ZNF407: variants seen among roughly 807,000 people sequenced by gnomAD.
ZNF407 encodes zinc finger protein 407.
A neutral mutation model predicts 131.2 loss-of-function variants in ZNF407; 17 were observed. The observed-to-expected ratio is 0.13, with a 90% CI of 0.09 to 0.19. The LOEUF is 0.19. Among genes scored for constraint, ZNF407 ranks in the 10% least tolerant of loss-of-function variants. The pLI is 1.00. For missense variants in ZNF407, 2,681 were observed against 2,830.6 expected (o/e 0.95, Z 1.20); for synonymous variants, 1,156 against 1,062.0 (o/e 1.09, Z -1.72).
At chr18:75,023,670 C>T (rs576181901) in intron 8 of ZNF407, among the ~76,000 whole-genome samples, 4 of 152,222 alleles carry the variant, frequency 2.6e-5, no homozygotes, top group African/African-American at 7.2e-5. Context: ...TAATTATAGT[C>T]GGCTTTCTCT....
intron 7 of ZNF407, among the ~76,000 whole-genome samples, chr18:74,916,481 AGTGT>A (rs752881660): frequency 1.8e-4 from 14 of 78,772 alleles, no homozygotes; most frequent in East Asian, 1.1e-3. Flanking sequence ...TCGAATTGGG[AGTGT>A]GTGTGTGTGT....
At chr18:74,766,597 A>C (rs12607948) in intron 3 of ZNF407, among the ~76,000 whole-genome samples, 98,354 of 152,114 alleles carry the variant, frequency 0.65, 34,109 homozygotes, top group East Asian at 0.95. Flanking sequence ...CCAAGTTGTC[A>C]TGTTACTGAG....
At chr18:74,700,001 G>A (rs974719621) in intron 3 of ZNF407, among the ~76,000 whole-genome samples, 4 of 152,010 alleles carry the variant, frequency 2.6e-5, no homozygotes, top group African/African-American at 9.7e-5. Flanking sequence ...AATAAGATTA[G>A]TGCTGTGTTC....
intron 4 of ZNF407, among the ~76,000 whole-genome samples, chr18:74,829,656 C>T (rs909248757): frequency 2.1e-4 from 32 of 152,006 alleles, no homozygotes; most frequent in Non-Finnish European, 4.4e-4. Context: ...GGCTTGCTAC[C>T]AAGAGTAGAG....
chr18:74,919,917 C>T lies in ZNF407; in HGVS notation c.5250-597C>T, dbSNP rs1971823503. ...CACCGTGGCGTGGAATATATGGGCC[C>T]TCCGTTGCATTTTCCATGCCATCAC... is the stretch of plus-strand genomic sequence containing the variant. On this transcript the variant is annotated intron_variant, in intron 7 of 8. Coordinates refer to ENST00000299687, the MANE Select transcript of ZNF407 (RefSeq NM_017757.3). Among the ~76,000 whole-genome samples, 3 of 152,184 alleles carry T rather than the reference C, an allele frequency of 2.0e-5. No homozygotes were observed. The South Asian group carries it at 6.2e-4, about 32-fold the overall frequency.
chr18:74,761,272 G>A (rs1969089656), intron 3 of ZNF407, among the ~76,000 whole-genome samples: 1 of 152,110 alleles, frequency 6.6e-6, no homozygotes, highest in African/African-American at 2.4e-5. Context: ...AGAAGTTATT[G>A]TCAGTTTGAT....
At chr18:74,726,939 A>G (rs1968171841) in intron 3 of ZNF407, among the ~76,000 whole-genome samples, 1 of 152,186 alleles carries the variant, frequency 6.6e-6, no homozygotes, top group African/African-American at 2.4e-5. Flanking sequence ...GACATTTTCT[A>G]AGATAGTCAA....
intron 4 of ZNF407, among the ~76,000 whole-genome samples, chr18:74,806,468 C>G (rs569561290): frequency 2.6e-5 from 4 of 152,238 alleles, no homozygotes; most frequent in Non-Finnish European, 4.4e-5. Flanking sequence ...CAGTTGGTCC[C>G]TAAGTAGCTT....
At chr18:74,817,148 G>A (rs892597752) in intron 4 of ZNF407, among the ~76,000 whole-genome samples, 1 of 152,168 alleles carries the variant, frequency 6.6e-6, no homozygotes, top group Non-Finnish European at 1.5e-5. Context: ...AGCTCAAGTA[G>A]GGATATCATG....
chr18:74,740,792 G>T (rs1599114265), intron 3 of ZNF407, among the ~76,000 whole-genome samples: 1 of 152,104 alleles, frequency 6.6e-6, no homozygotes, highest in African/African-American at 2.4e-5. Context: ...AGATTTCCCT[G>T]CTGGGAGGTA....
intron 8 of ZNF407, among the ~76,000 whole-genome samples, chr18:74,977,020 A>G (rs989261692): frequency 2.0e-5 from 3 of 152,212 alleles, no homozygotes; most frequent in Non-Finnish European, 2.9e-5. Flanking sequence ...GAAAAGAGAA[A>G]AGGATTGCTG....
intron 7 of ZNF407, among the ~76,000 whole-genome samples, chr18:74,903,496 T>C (rs2554132): frequency 0.84 from 127,298 of 152,084 alleles, 53,565 homozygotes; most frequent in Non-Finnish European, 0.87. Flanking sequence ...ATGGCTTGGA[T>C]TTTTGGAGGT....
At chr18:74,828,795 G>A (rs898584022) in intron 4 of ZNF407, among the ~76,000 whole-genome samples, 3 of 131,450 alleles carry the variant, frequency 2.3e-5, no homozygotes, top group African/African-American at 7.5e-5. Context: ...GGTGAGTTAT[G>A]TAAACTCTCT....
rs1486365315 is a variant in ZNF407, at chr18:74,634,642, T to C, written c.3623T>C (p.Leu1208Ser). ...FQNENSGSSALNCETAKKNHE... is the reference protein window; with the variant it reads ...FQNENSGSSASNCETAKKNHE... ...AATGAAAATTCAGGAAGCTCTGCCT[T>C]AAATTGTGAGACAGCAAAGAAAAAC... Residue 1208 changes from leucine (L) to serine (S), a missense_variant, in exon 2 of 9, where the codon TTA (leucine) becomes TCA (serine). This residue lies in a region of ZNF407 where 1,789 missense variants were observed against 1,748.7 expected (regional missense o/e 1.02). Coordinates refer to ENST00000299687, the MANE Select transcript of ZNF407 (RefSeq NM_017757.3). 1 of 1,613,956 alleles carries C rather than the reference T, an allele frequency of 6.2e-7. No individual in the cohort carries two copies. The highest frequency in any genetic ancestry group is 1.1e-5 in the South Asian group (1 of 91,084).
At chr18:74,680,156 T>G (rs1966947416) in intron 3 of ZNF407, among the ~76,000 whole-genome samples, 1 of 152,048 alleles carries the variant, frequency 6.6e-6, no homozygotes, top group South Asian at 2.1e-4. Context: ...TTTGGGAGGT[T>G]GAGGTGGGCA....
In ZNF407 at chr18:74,691,615, C is replaced by T. The variant is rs188465787; in HGVS notation, c.4802+50493C>T. On this transcript the variant is annotated intron_variant, in intron 3 of 8. Transcript: ENST00000299687. Reference sequence around the variant, plus strand: ...TATATTAATTTGCTATTCTTTTCCCCATTTCTGAGGATTAAAGTCTGAATG... The same window carrying T: ...TATATTAATTTGCTATTCTTTTCCCTATTTCTGAGGATTAAAGTCTGAATG... Among the ~76,000 whole-genome samples, 50 of 151,886 alleles carry T rather than the reference C, an allele frequency of 3.3e-4. No individual in the cohort carries two copies. The East Asian group carries it at 7.1e-3, about 22-fold the overall frequency.
At chr18:74,727,428 T>C (rs1968184458) in intron 3 of ZNF407, among the ~76,000 whole-genome samples, 1 of 152,138 alleles carries the variant, frequency 6.6e-6, no homozygotes, top group Non-Finnish European at 1.5e-5. Flanking sequence ...TTTTTTGGGT[T>C]TTGTGAAGAT....
intron 3 of ZNF407, among the ~76,000 whole-genome samples, chr18:74,676,655 C>CGATCT (rs1986398079): frequency 1.3e-5 from 2 of 151,740 alleles, no homozygotes; most frequent in Non-Finnish European, 2.9e-5. Flanking sequence ...AGGATGGTCT[C>CGATCT]GATCTCCTGA....
intron 3 of ZNF407, among the ~76,000 whole-genome samples, chr18:74,698,873 C>G (rs1194533763): frequency 6.6e-6 from 1 of 152,056 alleles, no homozygotes; most frequent in Non-Finnish European, 1.5e-5. Flanking sequence ...CCTCTTATTT[C>G]CTCCCCCAAG....
Sources: allele counts gnomAD v4.1 joint callset (sites outside exome capture counted in the v4.1 genomes callset), GRCh38; gene constraint gnomAD v4.1.1; regional missense constraint gnomAD v4.1.1; transcripts MANE v1.5; gene names NCBI Gene and HGNC (gene_info 2026-07-23, HGNC 2026-07-21).